The following TRPM3 variants were observed in gnomAD, a reference collection of about 807,000 sequenced individuals.
TRPM3 encodes the protein transient receptor potential cation channel subfamily M member 3.
A neutral mutation model predicts 181.2 loss-of-function variants in TRPM3; 77 were observed. That is an observed-to-expected ratio of 0.42 (90% CI 0.35 to 0.51). The LOEUF (loss-of-function observed/expected upper bound fraction) is 0.51. Ranked by LOEUF, TRPM3 falls within the 20% of genes least tolerant of loss-of-function variation. The pLI is 0.01. For synonymous variants in TRPM3, 745 were observed against 796.4 expected (o/e 0.94, Z 1.09); for missense variants, 1,759 against 2,196.7 (o/e 0.80, Z 3.98).
At chr9:70,808,452 G>A (rs1443730533) in intron 6 of TRPM3, among the ~76,000 whole-genome samples, 3 of 152,104 alleles carry the variant, frequency 2.0e-5, no homozygotes, top group Non-Finnish European at 2.9e-5. Flanking sequence ...TAGGAAAATG[G>A]GTGAGATAAA....
intron 1 of TRPM3, among the ~76,000 whole-genome samples, chr9:70,926,062 A>G (rs139435687): frequency 1.7e-3 from 263 of 152,166 alleles, no homozygotes; most frequent in South Asian, 8.5e-3. Flanking sequence ...GTCTCAAACA[A>G]CTATCACTCA....
At chr9:71,199,734 T>G (rs2078651461) in intron 1 of TRPM3, among the ~76,000 whole-genome samples, 1 of 151,882 alleles carries the variant, frequency 6.6e-6, no homozygotes, top group Non-Finnish European at 1.5e-5. Flanking sequence ...CTTTATCATT[T>G]TTTTTGCGTC....
At chr9:71,336,741 G>A (rs552014074) in intron 1 of TRPM3, among the ~76,000 whole-genome samples, 1 of 152,104 alleles carries the variant, frequency 6.6e-6, no homozygotes, top group African/African-American at 2.4e-5. Context: ...CATGGTACTG[G>A]TACCAAAATA....
At chr9:70,970,066 T>A (rs536240496) in intron 1 of TRPM3, among the ~76,000 whole-genome samples, 4 of 152,112 alleles carry the variant, frequency 2.6e-5, no homozygotes, top group African/African-American at 9.7e-5. Flanking sequence ...GACAGAGTTG[T>A]GTCTGAATCC....
chr9:71,407,619 C>T (rs2093462042), intron 1 of TRPM3, among the ~76,000 whole-genome samples: 1 of 152,222 alleles, frequency 6.6e-6, no homozygotes, highest in Admixed American at 6.5e-5. Flanking sequence ...TGACACCTGC[C>T]TGCCTCTGTA....
rs562990265 is a variant in TRPM3, at chr9:71,272,565, A to C, written c.183+174088T>G. Reference sequence around the variant, plus strand: ...AGATGAAACAGACTCAGAGGTTTCTAATCTGTAATAAAACGATTAAACTCA... The same window carrying C: ...AGATGAAACAGACTCAGAGGTTTCTCATCTGTAATAAAACGATTAAACTCA... On this transcript the variant is annotated intron_variant, in intron 1 of 24. Coordinates refer to the TRPM3 transcript ENST00000357533. Among the ~76,000 whole-genome samples the C allele has an allele frequency of 7.9e-5, 12 of 152,298 alleles. 1 individual carries two copies. The South Asian group carries it at 2.5e-3, about 32-fold the overall frequency.
intron 1 of TRPM3, among the ~76,000 whole-genome samples, chr9:71,162,955 T>C (rs1240735520): frequency 5.3e-5 from 8 of 152,108 alleles, no homozygotes; most frequent in Non-Finnish European, 1.2e-4. Context: ...ACAGGAGCAA[T>C]GGCTGAGGGT....
chr9:70,979,968 A>C (rs1822392585), intron 1 of TRPM3, among the ~76,000 whole-genome samples: 1 of 151,342 alleles, frequency 6.6e-6, no homozygotes, highest in Admixed American at 6.6e-5. Flanking sequence ...TCTCGTAAAG[A>C]CCCTATTTCC....
chr9:70,778,758 G>A (rs1433387532), intron 7 of TRPM3, among the ~76,000 whole-genome samples: 1 of 152,072 alleles, frequency 6.6e-6, no homozygotes, highest in Non-Finnish European at 1.5e-5. Flanking sequence ...TCTTTTGGCA[G>A]GTCTTATAGA....
rs956038019 is a variant in TRPM3, at chr9:71,026,257, G to T, written c.177+94921C>A. 3.3e-5 allele frequency among the ~76,000 whole-genome samples: 5 copies of T among 152,150 alleles called. 1 individual carries two copies. Among genetic ancestry groups the T allele is most frequent in the Non-Finnish European group, 5.9e-5 (4 of 68,020 alleles). The stretch of plus-strand genomic sequence containing the variant: ...AGGGCAGTCTTGCGCATCAGATGGG[G>T]CAGGTCTGACCTGAGCGCCCCTCCA... On this transcript the variant is annotated intron_variant, in intron 1 of 25. Coordinates refer to ENST00000677713, the MANE Select transcript of TRPM3 (RefSeq NM_001366145.2).
intron 1 of TRPM3, among the ~76,000 whole-genome samples, chr9:70,978,328 G>A (rs1462968591): frequency 1.3e-5 from 2 of 152,192 alleles, no homozygotes; most frequent in African/African-American, 2.4e-5. Flanking sequence ...TTTATGTCCA[G>A]TGAGCAAAGC....
intron 1 of TRPM3, among the ~76,000 whole-genome samples, chr9:71,311,544 C>A (rs879375243): frequency 2.0e-5 from 3 of 152,154 alleles, no homozygotes; most frequent in Admixed American, 1.3e-4. Context: ...GGTACTGGAA[C>A]AACTGGATGT....
rs370590474 is a variant in TRPM3 at position 71,153,291 on chromosome 9, A to AT, written c.184-288781dup. 4.4e-3 allele frequency among the ~76,000 whole-genome samples: 609 copies of AT among 139,994 alleles called. 1 individual carries two copies. The highest frequency in any genetic ancestry group is 7.3e-3 in the Middle Eastern group (2 of 274). The allele number at this position is 139,994 out of a possible 152,430, so 91.8% of individuals were successfully genotyped here. ...CACACTATTTTAAATGGCGCCATTA[A>AT]TTTTTTTTTTTTTTTTCTGAGACAG... On this transcript the variant is annotated intron_variant, in intron 1 of 24. Transcript: ENST00000357533.
chr9:70,921,619 T>C (rs1405318885), intron 1 of TRPM3, among the ~76,000 whole-genome samples: 1 of 152,270 alleles, frequency 6.6e-6, no homozygotes, highest in East Asian at 1.9e-4. Flanking sequence ...GCTCAAAGAG[T>C]TTGATACGTG....
intron 21 of TRPM3, among the ~76,000 whole-genome samples, chr9:70,593,639 A>G (rs1204988511): frequency 6.6e-6 from 1 of 152,120 alleles, no homozygotes; most frequent in Non-Finnish European, 1.5e-5. Context: ...ACTTAGCTTC[A>G]TATATTTCAA....
At position 70,668,788 on chromosome 9, in the gene TRPM3, C is replaced by G. The variant is rs183296398; in HGVS notation, c.1345+12718G>C. On this transcript the variant is annotated intron_variant, in intron 9 of 25. Transcript: ENST00000677713. ...TTCATGCTTAGCCAGGAGGAACATA[C>G]TTTTATTATTAATGTAAGCTACTTA... is the stretch of plus-strand genomic sequence containing the variant. 5.2e-3 allele frequency among the ~76,000 whole-genome samples: 769 copies of G among 149,178 alleles called. 2 individuals are homozygous for G. Among genetic ancestry groups the G allele is most frequent in the Admixed American group, 9.3e-3 (139 of 15,006 alleles).
chr9:70,608,980 A>G (rs1256294092), intron 19 of TRPM3, among the ~76,000 whole-genome samples: 4 of 152,214 alleles, frequency 2.6e-5, no homozygotes, highest in African/African-American at 9.6e-5. Flanking sequence ...GGATGTATGA[A>G]CACAACACTG....
chr9:71,090,865 G>T (rs552241839), intron 1 of TRPM3, among the ~76,000 whole-genome samples: 1 of 152,188 alleles, frequency 6.6e-6, no homozygotes, highest in African/African-American at 2.4e-5. Context: ...GGGCATATAG[G>T]AAGTACTTAA....
At chr9:71,153,777 G>T (rs1407183950) in intron 1 of TRPM3, among the ~76,000 whole-genome samples, 3 of 152,130 alleles carry the variant, frequency 2.0e-5, no homozygotes, top group African/African-American at 4.8e-5. Flanking sequence ...GACCCAGAAG[G>T]CCATGCTTTT....
Sources: allele counts gnomAD v4.1 joint callset (sites outside exome capture counted in the v4.1 genomes callset), GRCh38; gene constraint gnomAD v4.1.1; transcripts MANE v1.5; gene names NCBI Gene and HGNC (gene_info 2026-07-23, HGNC 2026-07-21).